GRM7: variants seen among roughly 807,000 people sequenced by gnomAD.
GRM7 encodes metabotropic glutamate receptor 7.
A neutral mutation model predicts 84.5 loss-of-function variants in GRM7; 35 were observed. The ratio of observed to expected loss-of-function variants is 0.41; its 90% CI spans 0.32 to 0.55. The LOEUF (loss-of-function observed/expected upper bound fraction) is 0.55. Ranked by LOEUF, GRM7 falls within the 20% of genes least tolerant of loss-of-function variation. The probability of loss-of-function intolerance (pLI) is 0.19; values close to 1 mark genes in which losing one functional copy is unlikely to be tolerated. For synonymous variants in GRM7, 487 were observed against 455.1 expected, an observed-to-expected ratio of 1.07 and a Z score of -0.89; for missense variants, 1,003 against 1,194.6, an observed-to-expected ratio of 0.84 and a Z score of 2.36.
chr3:7,399,146 T>G (rs1695339983), intron 4 of GRM7, among the ~76,000 whole-genome samples: 1 of 150,538 alleles, frequency 6.6e-6, no homozygotes. Flanking sequence ...GATTTGGAAA[T>G]CACACATCTT....
chr3:7,359,497 G>T (rs770081829), intron 4 of GRM7, among the ~76,000 whole-genome samples: 1 of 146,574 alleles, frequency 6.8e-6, no homozygotes, highest in African/African-American at 2.6e-5. Flanking sequence ...AGAATGCCTG[G>T]GTAAATTTTG....
chr3:6,887,076 G>T (rs1695723921), intron 1 of GRM7, among the ~76,000 whole-genome samples: 1 of 151,380 alleles, frequency 6.6e-6, no homozygotes, highest in African/African-American at 2.4e-5. Context: ...ATATATTTGG[G>T]GACCTTTTCA....
chr3:6,905,389 A>G (rs1475146664), intron 1 of GRM7, among the ~76,000 whole-genome samples: 1 of 152,116 alleles, frequency 6.6e-6, no homozygotes, highest in Admixed American at 6.6e-5. Flanking sequence ...CTATCTGGTT[A>G]TTGATGCTAT....
chr3:7,020,081 T>C (rs1443832899), intron 1 of GRM7, among the ~76,000 whole-genome samples: 1 of 152,164 alleles, frequency 6.6e-6, no homozygotes. Flanking sequence ...TCTCTTGACC[T>C]CGTGATTTGC....
intron 5 of GRM7, among the ~76,000 whole-genome samples, chr3:7,431,766 T>G (rs1168403702): frequency 6.6e-6 from 1 of 152,176 alleles, no homozygotes; most frequent in Non-Finnish European, 1.5e-5. Context: ...TGTGAACTGT[T>G]GTTCACCGCA....
chr3:7,126,083 A>G (rs966831284), intron 1 of GRM7, among the ~76,000 whole-genome samples: 1 of 152,224 alleles, frequency 6.6e-6, no homozygotes, highest in African/African-American at 2.4e-5. Flanking sequence ...GGATCAGGAC[A>G]GCCTGGGAGC....
chr3:7,594,967 C>T (rs1027239873), intron 8 of GRM7, among the ~76,000 whole-genome samples: 1 of 151,792 alleles, frequency 6.6e-6, no homozygotes, highest in African/African-American at 2.4e-5. Context: ...TGTGTTTGTA[C>T]ATGTGTATTT....
chr3:7,515,782 C>G (rs1293525098), intron 7 of GRM7, among the ~76,000 whole-genome samples: 1 of 152,110 alleles, frequency 6.6e-6, no homozygotes, highest in Non-Finnish European at 1.5e-5. Context: ...TCTTACTAAA[C>G]TAGGGCCAAG....
intron 2 of GRM7, among the ~76,000 whole-genome samples, chr3:7,273,130 G>C (rs1324250696): frequency 6.6e-6 from 1 of 151,914 alleles, no homozygotes; most frequent in Non-Finnish European, 1.5e-5. Context: ...TGTGTTATAT[G>C]ATATCCATGT....
intron 2 of GRM7, among the ~76,000 whole-genome samples, chr3:7,268,954 G>A (rs1013468403): frequency 1.3e-5 from 2 of 152,154 alleles, no homozygotes; most frequent in East Asian, 3.9e-4. Flanking sequence ...ATTGTTTTGG[G>A]GAGGGAGAGC....
intron 9 of GRM7, among the ~76,000 whole-genome samples, chr3:7,736,691 G>C (rs999197745): frequency 1.3e-5 from 2 of 152,156 alleles, no homozygotes; most frequent in Non-Finnish European, 2.9e-5. Context: ...GGCTTTGATT[G>C]CATCTTATTT....
intron 1 of GRM7, among the ~76,000 whole-genome samples, chr3:7,139,074 T>C (rs894024714): frequency 6.8e-6 from 1 of 147,602 alleles, no homozygotes; most frequent in Admixed American, 6.8e-5. Flanking sequence ...TTATATAATA[T>C]TATATAATGT....
intron 7 of GRM7, among the ~76,000 whole-genome samples, chr3:7,494,973 G>A (rs895590124): frequency 6.6e-6 from 1 of 152,140 alleles, no homozygotes; most frequent in Non-Finnish European, 1.5e-5. Flanking sequence ...CAATCAAGTT[G>A]TGATTTTCTT....
chr3:7,073,282 A>G (rs1029492759), intron 1 of GRM7, among the ~76,000 whole-genome samples: 5 of 152,072 alleles, frequency 3.3e-5, no homozygotes, highest in Admixed American at 3.3e-4. Context: ...TCTCAAAATA[A>G]TTCCTCTTTG....
intron 7 of GRM7, among the ~76,000 whole-genome samples, chr3:7,544,726 A>C (rs1693054520): frequency 2.0e-5 from 3 of 152,156 alleles, no homozygotes; most frequent in Non-Finnish European, 2.9e-5. Flanking sequence ...TCCTTAGACA[A>C]GTATTTCTTT....
intron 4 of GRM7, among the ~76,000 whole-genome samples, chr3:7,364,531 T>G (rs892612337): frequency 6.6e-6 from 1 of 151,798 alleles, no homozygotes; most frequent in East Asian, 1.9e-4. Context: ...TTTCTATATT[T>G]TAATATTTTC....
chr3:7,079,419 C>G (rs557894867), intron 1 of GRM7, among the ~76,000 whole-genome samples: 1 of 152,104 alleles, frequency 6.6e-6, no homozygotes, highest in African/African-American at 2.4e-5. Context: ...GGATTAAAAC[C>G]GAAATATCTT....
intron 1 of GRM7, among the ~76,000 whole-genome samples, chr3:7,090,439 T>C (rs1020894961): frequency 2.6e-5 from 4 of 152,164 alleles, no homozygotes; most frequent in Non-Finnish European, 5.9e-5. Context: ...AAGAGTTTCT[T>C]GCACATAGCA....
intron 5 of GRM7, among the ~76,000 whole-genome samples, chr3:7,447,629 G>A (rs1697572882): frequency 6.6e-6 from 1 of 152,050 alleles, no homozygotes; most frequent in South Asian, 2.1e-4. Flanking sequence ...AGTAGTTGCG[G>A]GGTGCGTGGG....
Sources: allele counts gnomAD v4.1 joint callset (sites outside exome capture counted in the v4.1 genomes callset), GRCh38; gene constraint gnomAD v4.1.1; transcripts MANE v1.5; gene names NCBI Gene and HGNC (gene_info 2026-07-23, HGNC 2026-07-21).